SUSD5: variants seen among roughly 807,000 people sequenced by gnomAD.
SUSD5 encodes the protein sushi domain-containing protein 5.
In SUSD5, 33 loss-of-function variants were observed where a neutral mutation model predicts 29.5. The observed-to-expected ratio is 1.12, with a 90% confidence interval of 0.85 to 1.49. The LOEUF (loss-of-function observed/expected upper bound fraction) is 1.49. Ranked by LOEUF, SUSD5 falls within the 40% of genes most tolerant of loss-of-function variation. SUSD5 has a pLI of 0.00. For missense variants in SUSD5, 776 were observed against 800.6 expected (o/e 0.97, Z 0.37); for synonymous variants, 308 against 325.3 (o/e 0.95, Z 0.57).
At chr3:33,214,210 T>C in intron 1 of SUSD5, 105 bp from the exon 2 acceptor site, 1 of 1,141,130 alleles carries the variant, frequency 8.8e-7, no homozygotes, top group Non-Finnish European at 1.2e-6. Flanking sequence ...AGTCCTTGCC[T>C]GAAGGCCCAA....
chr3:33,183,038 A>G (rs1575536000), intron 3 of SUSD5, among the ~76,000 whole-genome samples: 1 of 151,034 alleles, frequency 6.6e-6, no homozygotes, highest in East Asian at 1.9e-4. Flanking sequence ...CTCGTGATCC[A>G]CCCGCCTTGG....
intron 4 of SUSD5, chr3:33,168,384 C>T (rs990018435): frequency 4.4e-6 from 2 of 456,130 alleles, no homozygotes; most frequent in Non-Finnish European, 5.8e-6. Context: ...CAAGGAAATT[C>T]TAAATTCAGT....
intron 3 of SUSD5, among the ~76,000 whole-genome samples, chr3:33,183,974 A>G (rs940660717): frequency 1.7e-4 from 13 of 78,634 alleles, no homozygotes; most frequent in Non-Finnish European, 2.1e-4. Flanking sequence ...GTCTCGCTCT[A>G]TCTCCTTGGC....
chr3:33,178,690 G>A (rs746224416), intron 3 of SUSD5, among the ~76,000 whole-genome samples: 2 of 152,056 alleles, frequency 1.3e-5, no homozygotes, highest in East Asian at 3.9e-4. Flanking sequence ...TGCCAGCCTC[G>A]GCCTCCCAAA....
At chr3:33,196,139 G>A (rs749942339) in intron 3 of SUSD5, among the ~76,000 whole-genome samples, 2 of 152,168 alleles carry the variant, frequency 1.3e-5, no homozygotes, top group African/African-American at 4.8e-5. Flanking sequence ...TTCAAGTCAT[G>A]ATGGTAACTG....
chr3:33,214,077 A>G lies in SUSD5; in HGVS notation c.141T>C (p.Asn47=). ...CCTCCAGTTGTAGGCCCTGAGAGCC[A>G]TTCTGAGACTCCAGCACAAAGAACT... is the stretch of plus-strand genomic sequence containing the variant. ...DGKFFVLESQ[N]GSQGLQLEAA... is the part of the protein sequence containing the mutation. The change falls in exon 2 of 5, where the codon AAT becomes AAC. Residue 47 remains asparagine, a synonymous_variant. Coordinates refer to ENST00000309558, the MANE Select transcript of SUSD5 (RefSeq NM_015551.2). 2 of 1,611,286 alleles carry G rather than the reference A, an allele frequency of 1.2e-6. No homozygotes were observed. Among genetic ancestry groups the G allele is most frequent in the Non-Finnish European group, 1.7e-6 (2 of 1,178,782 alleles).
intron 1 of SUSD5, among the ~76,000 whole-genome samples, chr3:33,217,462 TTA>T (rs2032444240): frequency 6.6e-6 from 1 of 152,208 alleles, no homozygotes; most frequent in South Asian, 2.1e-4. Context: ...ATGACAAATT[TTA>T]TGTGAAATAC....
At chr3:33,191,934 G>A (rs2031899255) in intron 3 of SUSD5, among the ~76,000 whole-genome samples, 2 of 152,096 alleles carry the variant, frequency 1.3e-5, no homozygotes, top group South Asian at 4.1e-4. Context: ...TTAAGATCCT[G>A]TCTCTAAAAA....
intron 4 of SUSD5, among the ~76,000 whole-genome samples, chr3:33,162,023 T>C (rs1038264865): frequency 6.6e-6 from 1 of 152,092 alleles, no homozygotes; most frequent in Non-Finnish European, 1.5e-5. Context: ...ATAGAATAAA[T>C]GTTCTTTTCA....
At position 33,153,403 on chromosome 3, in the gene SUSD5, TC is replaced by T; in HGVS notation, c.1228del (p.Asp410IlefsTer22). On this transcript the variant is annotated frameshift_variant, in exon 5 of 5. Transcript: ENST00000309558. LOFTEE classifies it low-confidence loss of function (END_TRUNC). ...CTTAACTTCCACAAGAATGGGCTGA[TC>T]AGGAGTAACTAGGACGTTTTCATCC... ...GLDENVLVTP[D>X]QPILVEVKKP... The T allele has an allele frequency of 1.2e-6, 2 of 1,613,864 alleles. No individual in the cohort carries two copies. The highest frequency in any genetic ancestry group is 1.7e-6 in the Non-Finnish European group (2 of 1,179,868).
chr3:33,173,119 T>C (rs1359537293), intron 4 of SUSD5, among the ~76,000 whole-genome samples: 2 of 152,206 alleles, frequency 1.3e-5, no homozygotes, highest in Non-Finnish European at 2.9e-5. Flanking sequence ...CACAAAGAAA[T>C]TCTAATGCCC....
At chr3:33,193,534 C>T (rs998433558) in intron 3 of SUSD5, among the ~76,000 whole-genome samples, 1 of 151,998 alleles carries the variant, frequency 6.6e-6, no homozygotes, top group Non-Finnish European at 1.5e-5. Context: ...CAAGCAATGC[C>T]CATAGGTAGC....
intron 3 of SUSD5, among the ~76,000 whole-genome samples, chr3:33,198,691 A>G (rs867779777): frequency 2.0e-4 from 31 of 152,260 alleles, no homozygotes; most frequent in Middle Eastern, 3.4e-3. Context: ...ACCTGAAACC[A>G]TCTAGGCTCA....
At chr3:33,154,726 C>T (rs2031011338) in intron 4 of SUSD5, among the ~76,000 whole-genome samples, 1 of 151,876 alleles carries the variant, frequency 6.6e-6, no homozygotes, top group Non-Finnish European at 1.5e-5. Context: ...AAAAGATGTT[C>T]AAGACTTCTA....
At chr3:33,180,325 T>C (rs11708918) in intron 3 of SUSD5, among the ~76,000 whole-genome samples, 47,566 of 152,020 alleles carry the variant, frequency 0.31, 8,205 homozygotes, top group Middle Eastern at 0.42. Context: ...AATGTGCATG[T>C]TTGTGTCTTA....
intron 2 of SUSD5, among the ~76,000 whole-genome samples, chr3:33,209,321 G>C (rs891311021): frequency 2.6e-4 from 40 of 151,960 alleles, no homozygotes; most frequent in African/African-American, 9.4e-4. Flanking sequence ...TCTGTGTCTG[G>C]ATGTTTTTCT....
In SUSD5 at chr3:33,153,915, G is replaced by T; in HGVS notation, c.717C>A (p.Asp239Glu). ...CCTGTTTTGGAGCCTCCTCAGAGGA[G>T]TCTCCCTGACCCCTGTCCTCATCTG... The part of the protein sequence containing the change: ...TEADEDRGQG[D>E]SSEEAPKQDR... The change falls in exon 5 of 5, where the codon GAC (aspartate) becomes GAA (glutamate). Residue 239 changes from aspartate (D) to glutamate (E), a missense_variant. Physicochemically the swap from Asp to Glu is conservative, Grantham distance 45. Transcript: ENST00000309558. The T allele has an allele frequency of 6.2e-7, 1 of 1,613,928 alleles. No individual in the cohort carries two copies. Among genetic ancestry groups the T allele is most frequent in the Non-Finnish European group, 8.5e-7 (1 of 1,179,884 alleles).
At chr3:33,183,730 T>C (rs889729111) in intron 3 of SUSD5, among the ~76,000 whole-genome samples, 2 of 152,108 alleles carry the variant, frequency 1.3e-5, no homozygotes, top group African/African-American at 2.4e-5. Context: ...TTCTGACCTA[T>C]ATCATTTCCC....
intron 3 of SUSD5, among the ~76,000 whole-genome samples, chr3:33,192,004 A>T (rs1009813292): frequency 6.6e-6 from 1 of 152,158 alleles, no homozygotes; most frequent in East Asian, 1.9e-4. Context: ...CCTTCAGAAC[A>T]CTGAGTGCTA....
Sources: allele counts gnomAD v4.1 joint callset (sites outside exome capture counted in the v4.1 genomes callset), GRCh38; gene constraint gnomAD v4.1.1; transcripts MANE v1.5; gene names NCBI Gene and HGNC (gene_info 2026-07-23, HGNC 2026-07-21).